SPTLC3: variants seen among roughly 807,000 people sequenced by gnomAD.
SPTLC3 encodes serine palmitoyltransferase long chain base subunit 3, also known as serine palmitoyltransferase 3.
SPTLC3 carries 36 observed loss-of-function variants against 59.3 expected under a neutral mutation model. That is an observed-to-expected ratio of 0.61 (90% CI 0.47 to 0.80). SPTLC3 has a LOEUF of 0.80. SPTLC3 is among the 30% of genes least tolerant of loss of function. The pLI, the probability that SPTLC3 is intolerant of heterozygous loss-of-function variation, is 0.00. For synonymous variants in SPTLC3, 257 were observed against 240.8 expected (o/e 1.07, Z -0.62); for missense variants, 625 against 685.1 (o/e 0.91, Z 0.98).
chr20:13,098,958 T>C (rs1457362044), intron 6 of SPTLC3, among the ~76,000 whole-genome samples: 1 of 152,192 alleles, frequency 6.6e-6, no homozygotes, highest in East Asian at 1.9e-4. Flanking sequence ...GAGTCTATTA[T>C]GCCTGAGCTG....
intron 10 of SPTLC3, among the ~76,000 whole-genome samples, chr20:13,159,056 A>G (rs1423938148): frequency 6.6e-6 from 1 of 152,264 alleles, no homozygotes; most frequent in East Asian, 1.9e-4. Context: ...CAAAGGGGAA[A>G]AAGAGTCACT....
At chr20:13,157,254 C>G (rs1466137332) in intron 10 of SPTLC3, among the ~76,000 whole-genome samples, 1 of 136,296 alleles carries the variant, frequency 7.3e-6, no homozygotes, top group Non-Finnish European at 1.5e-5. Flanking sequence ...CCTGGCCAAC[C>G]CTGTTTCTAC....
At chr20:13,128,963 G>A (rs574149526) in intron 9 of SPTLC3, among the ~76,000 whole-genome samples, 4 of 147,366 alleles carry the variant, frequency 2.7e-5, no homozygotes, top group African/African-American at 5.0e-5. Context: ...TGCAACCTCC[G>A]CCTCCTGGGT....
At chr20:13,052,288 C>T (rs954139685) in intron 2 of SPTLC3, among the ~76,000 whole-genome samples, 6 of 152,178 alleles carry the variant, frequency 3.9e-5, no homozygotes, top group Non-Finnish European at 7.3e-5. Flanking sequence ...ACTCCCTCCC[C>T]TAGCCAAGGG....
chr20:13,022,173 G>T (rs1985919465), intron 1 of SPTLC3, among the ~76,000 whole-genome samples: 2 of 152,154 alleles, frequency 1.3e-5, no homozygotes, highest in Non-Finnish European at 2.9e-5. Context: ...AAACCCTGGT[G>T]CCATTCGTGA....
Position 13,014,200 on chromosome 20 carries a change from A to G in SPTLC3, c.117+4816A>G, listed in dbSNP as rs144556363. ...AAACAGATGCTGCTTTTTTCATGACAGAGGCTGCAAAGTCACATTGAAAAA... is the reference window on the plus strand; with the variant it reads ...AAACAGATGCTGCTTTTTTCATGACGGAGGCTGCAAAGTCACATTGAAAAA... On this transcript the variant is annotated intron_variant, in intron 1 of 11. Coordinates refer to ENST00000399002, the MANE Select transcript of SPTLC3 (RefSeq NM_018327.4). Among the ~76,000 whole-genome samples the G allele has an allele frequency of 2.6e-4, 40 of 152,370 alleles. No homozygotes were observed. The East Asian group carries it at 5.0e-3, about 19-fold the overall frequency.
intron 6 of SPTLC3, among the ~76,000 whole-genome samples, chr20:13,107,261 G>A (rs1193069942): frequency 1.3e-5 from 2 of 151,956 alleles, no homozygotes; most frequent in Non-Finnish European, 2.9e-5. Context: ...TCATCCTGAA[G>A]GTTGAGAACC....
At chr20:13,033,726 G>T (rs1275337753) in intron 1 of SPTLC3, among the ~76,000 whole-genome samples, 1 of 152,126 alleles carries the variant, frequency 6.6e-6, no homozygotes, top group Non-Finnish European at 1.5e-5. Flanking sequence ...TTTATTTTCT[G>T]TTCTTTCATT....
intron 11 of SPTLC3, 84 bp from the exon 12 acceptor site, chr20:13,164,670 T>A (rs2123018784): frequency 1.0e-6 from 1 of 969,532 alleles, no homozygotes; most frequent in East Asian, 2.6e-5. Flanking sequence ...TGTGTCTTTG[T>A]GAGGCTTGCT....
At chr20:13,115,785 T>C (rs1038000066) in intron 7 of SPTLC3, among the ~76,000 whole-genome samples, 4 of 152,106 alleles carry the variant, frequency 2.6e-5, no homozygotes, top group Non-Finnish European at 2.9e-5. Flanking sequence ...CCATCATGGA[T>C]CAGGTAGTTT....
intron 3 of SPTLC3, among the ~76,000 whole-genome samples, chr20:13,072,735 C>T (rs548477292): frequency 2.0e-5 from 3 of 152,276 alleles, no homozygotes; most frequent in African/African-American, 7.2e-5. Flanking sequence ...ACAGTGATGA[C>T]CATGGTTCTT....
chr20:13,097,213 C>G (rs1012384240), intron 6 of SPTLC3, among the ~76,000 whole-genome samples: 1 of 151,952 alleles, frequency 6.6e-6, no homozygotes, highest in African/African-American at 2.4e-5. Flanking sequence ...TAAGATAATT[C>G]TAATCAGGGA....
intron 10 of SPTLC3, among the ~76,000 whole-genome samples, chr20:13,155,003 A>C (rs940309025): frequency 1.3e-5 from 2 of 152,046 alleles, no homozygotes; most frequent in African/African-American, 4.8e-5. Flanking sequence ...CAACATGGTG[A>C]GACCCTGTCT....
At chr20:13,139,639 CTT>C (rs2038335129) in intron 9 of SPTLC3, among the ~76,000 whole-genome samples, 1 of 152,190 alleles carries the variant, frequency 6.6e-6, no homozygotes, top group African/African-American at 2.4e-5. Context: ...AGTCACATGA[CTT>C]TGCCTAACCA....
intron 2 of SPTLC3, among the ~76,000 whole-genome samples, chr20:13,055,301 A>T (rs1987673083): frequency 6.6e-6 from 1 of 151,924 alleles, no homozygotes; most frequent in Non-Finnish European, 1.5e-5. Context: ...GCATGCTTCC[A>T]GAGACGCAGG....
At chr20:13,087,785 C>T (rs776362871) in intron 4 of SPTLC3, among the ~76,000 whole-genome samples, 1 of 152,100 alleles carries the variant, frequency 6.6e-6, no homozygotes, top group Non-Finnish European at 1.5e-5. Flanking sequence ...AGAAGATTGC[C>T]CTGGGAACAT....
At chr20:13,114,640 G>C (rs1990433597) in intron 7 of SPTLC3, among the ~76,000 whole-genome samples, 1 of 152,200 alleles carries the variant, frequency 6.6e-6, no homozygotes, top group Non-Finnish European at 1.5e-5. Context: ...GTGGTAAACT[G>C]TCACCTGTAT....
chr20:13,037,762 A>G (rs2122457989), intron 1 of SPTLC3, among the ~76,000 whole-genome samples: 1 of 152,296 alleles, frequency 6.6e-6, no homozygotes, highest in East Asian at 1.9e-4. Context: ...CTGCAACAGA[A>G]AAGCCATAAG....
At chr20:13,128,939 C>T (rs533800717) in intron 9 of SPTLC3, among the ~76,000 whole-genome samples, 86 of 146,794 alleles carry the variant, frequency 5.9e-4, no homozygotes, top group Non-Finnish European at 1.1e-3. Context: ...TACAATGGTG[C>T]GATCTCAGCT....
Sources: gnomAD v4.1 joint callset for allele counts (sites outside exome capture counted in the v4.1 genomes callset) on GRCh38, gnomAD v4.1.1 for gene constraint, MANE v1.5 for transcripts, NCBI Gene and HGNC (gene_info 2026-07-23, HGNC 2026-07-21) for gene names.